The following KCNT2 variants were observed in gnomAD, a reference collection of about 807,000 sequenced individuals.
The protein encoded by KCNT2 is potassium channel subfamily T member 2.
KCNT2 carries 67 observed loss-of-function variants against 153.8 expected under a neutral mutation model. The ratio of observed to expected loss-of-function variants is 0.44; its 90% CI spans 0.36 to 0.53. The LOEUF (loss-of-function observed/expected upper bound fraction) is 0.53. Ranked by LOEUF, KCNT2 falls within the 20% of genes least tolerant of loss-of-function variation. The pLI is 0.00. For missense variants in KCNT2, 975 were observed against 1,354.8 expected, an observed-to-expected ratio of 0.72 and a Z score of 4.40; for synonymous variants, 500 against 458.8, an observed-to-expected ratio of 1.09 and a Z score of -1.15.
At chr1:196,309,773 A>G (rs887783589) in intron 21 of KCNT2, among the ~76,000 whole-genome samples, 3 of 151,908 alleles carry the variant, frequency 2.0e-5, no homozygotes, top group African/African-American at 7.2e-5. Context: ...GGGTCTTAAT[A>G]TAAGCTAAAC....
intron 1 of KCNT2, among the ~76,000 whole-genome samples, chr1:196,504,422 T>C (rs1680959030): frequency 6.6e-6 from 1 of 152,164 alleles, no homozygotes; most frequent in Admixed American, 6.5e-5. Context: ...ACTCTTCCTT[T>C]TTTATGGCTG....
At chr1:196,307,707 A>G (rs951450673) in intron 21 of KCNT2, among the ~76,000 whole-genome samples, 1 of 152,128 alleles carries the variant, frequency 6.6e-6, no homozygotes, top group Admixed American at 6.6e-5. Context: ...CATATTTCAC[A>G]TGATTTTCTT....
chr1:196,385,140 C>T (rs200021681), intron 13 of KCNT2, among the ~76,000 whole-genome samples: 2 of 152,186 alleles, frequency 1.3e-5, no homozygotes, highest in East Asian at 3.9e-4. Flanking sequence ...TGTTGGAGTC[C>T]TTACCTACTC....
At chr1:196,571,521 A>G (rs968751877) in intron 1 of KCNT2, among the ~76,000 whole-genome samples, 2 of 152,156 alleles carry the variant, frequency 1.3e-5, no homozygotes, top group African/African-American at 4.8e-5. Context: ...GTTTGTCAAT[A>G]CAAGTCAAAA....
intron 1 of KCNT2, among the ~76,000 whole-genome samples, chr1:196,502,853 A>T (rs910851167): frequency 1.3e-5 from 2 of 152,176 alleles, no homozygotes; most frequent in African/African-American, 4.8e-5. Flanking sequence ...ATTTGATTTA[A>T]ATGTAAGCAT....
chr1:196,593,739 C>G (rs918669097), intron 1 of KCNT2, among the ~76,000 whole-genome samples: 1 of 151,712 alleles, frequency 6.6e-6, no homozygotes, highest in Non-Finnish European at 1.5e-5. Context: ...AAAAAGAAAC[C>G]CTACAAAAGA....
Position 196,350,163 on chromosome 1 carries a change from A to G in KCNT2, c.1404-7935T>C, listed in dbSNP as rs193128421. On this transcript the variant is annotated intron_variant, in intron 14 of 27. Transcript: ENST00000294725. ...GTTATTGTGAATAGAGCCGCAATAA[A>G]CATACGTGTGCATGTGTCTTTATAG... is the stretch of plus-strand genomic sequence containing the variant. 3.3e-5 allele frequency among the ~76,000 whole-genome samples: 5 copies of G among 152,306 alleles called. No homozygotes were observed. The East Asian group carries it at 7.7e-4, about 24-fold the overall frequency.
chr1:196,449,731 T>G (rs1412285399), intron 8 of KCNT2, among the ~76,000 whole-genome samples: 1 of 151,566 alleles, frequency 6.6e-6, no homozygotes, highest in East Asian at 2.0e-4. Context: ...ACAATCTTCA[T>G]TATAAGGACT....
chr1:196,559,410 T>G (rs779687660), intron 1 of KCNT2, among the ~76,000 whole-genome samples: 29 of 151,708 alleles, frequency 1.9e-4, no homozygotes, highest in East Asian at 3.9e-4. Flanking sequence ...ATATTTCGAT[T>G]GTTTCCAGTT....
chr1:196,326,537 A>G, intron 19 of KCNT2, among the ~76,000 whole-genome samples, 180 bp downstream of exon 19: 1 of 152,146 alleles, frequency 6.6e-6, no homozygotes, highest in East Asian at 1.9e-4. Flanking sequence ...ATTTATGAAT[A>G]TAATCATATT....
intron 1 of KCNT2, among the ~76,000 whole-genome samples, chr1:196,601,359 A>G (rs981210628): frequency 6.6e-6 from 1 of 152,202 alleles, no homozygotes; most frequent in Non-Finnish European, 1.5e-5. Context: ...TTAAGTTCGC[A>G]TATGTATTTT....
chr1:196,391,506 G>T (rs554099346), intron 13 of KCNT2, among the ~76,000 whole-genome samples: 1 of 151,090 alleles, frequency 6.6e-6, no homozygotes, highest in South Asian at 2.1e-4. Context: ...CAAGAAATTG[G>T]GTGTTTGAAA....
chr1:196,456,644 T>G (rs1228136711), intron 8 of KCNT2, among the ~76,000 whole-genome samples: 1 of 151,944 alleles, frequency 6.6e-6, no homozygotes, highest in Non-Finnish European at 1.5e-5. Context: ...TAGATGCAAT[T>G]AAATTGTGCA....
chr1:196,451,996 G>T (rs572789947), intron 8 of KCNT2, among the ~76,000 whole-genome samples: 1 of 151,602 alleles, frequency 6.6e-6, no homozygotes, highest in East Asian at 2.0e-4. Context: ...TATTAGAATC[G>T]GGTAATAGAC....
intron 1 of KCNT2, among the ~76,000 whole-genome samples, chr1:196,543,618 G>A (rs924353267): frequency 1.3e-5 from 2 of 152,136 alleles, no homozygotes; most frequent in Admixed American, 6.6e-5. Flanking sequence ...GAAAATGGAT[G>A]TCCACGATAA....
intron 2 of KCNT2, among the ~76,000 whole-genome samples, chr1:196,490,237 A>G (rs538409369): frequency 6.6e-6 from 1 of 151,908 alleles, no homozygotes; most frequent in South Asian, 2.1e-4. Flanking sequence ...ATCGAGGTTG[A>G]TTAAAGTATG....
At chr1:196,441,717 G>T (rs937880846) in intron 8 of KCNT2, among the ~76,000 whole-genome samples, 1 of 151,690 alleles carries the variant, frequency 6.6e-6, no homozygotes, top group African/African-American at 2.4e-5. Flanking sequence ...CAGCCTGTGG[G>T]TTATTACTAT....
chr1:196,588,081 C>T (rs1048484918), intron 1 of KCNT2, among the ~76,000 whole-genome samples: 1 of 152,008 alleles, frequency 6.6e-6, no homozygotes, highest in Non-Finnish European at 1.5e-5. Flanking sequence ...GGGGCAAATT[C>T]TCTTTTATTG....
intron 14 of KCNT2, among the ~76,000 whole-genome samples, chr1:196,349,212 G>T (rs908098714): frequency 6.6e-6 from 1 of 152,132 alleles, no homozygotes; most frequent in African/African-American, 2.4e-5. Flanking sequence ...GAAAAAAGCA[G>T]TCTAGTGAAG....
Sources: allele counts gnomAD v4.1 joint callset (sites outside exome capture counted in the v4.1 genomes callset), GRCh38; gene constraint gnomAD v4.1.1; transcripts MANE v1.5; gene names NCBI Gene and HGNC (gene_info 2026-07-23, HGNC 2026-07-21).